Variants in GPCPD1 observed in about 807,000 individuals in gnomAD.
GPCPD1 encodes glycerophosphocholine phosphodiesterase GPCPD1.
Under a neutral mutation model 89.2 loss-of-function variants are expected in GPCPD1, and 29 were observed. That is an observed-to-expected ratio of 0.33 (90% CI 0.24 to 0.44). GPCPD1 has a LOEUF of 0.44. Ranked by LOEUF, GPCPD1 falls within the 20% of genes least tolerant of loss-of-function variation. The pLI is 1.00. For synonymous variants in GPCPD1, 258 were observed against 266.3 expected (o/e 0.97, Z 0.30); for missense variants, 594 against 808.9 (o/e 0.73, Z 3.22).
At chr20:5,590,533 A>T (rs765695115) in intron 4 of GPCPD1, among the ~76,000 whole-genome samples, 1 of 151,392 alleles carries the variant, frequency 6.6e-6, no homozygotes. Flanking sequence ...ACAGAACAAG[A>T]CTCTGTCTCA....
chr20:5,593,716 C>G (rs1018184227), intron 3 of GPCPD1, among the ~76,000 whole-genome samples: 1 of 152,118 alleles, frequency 6.6e-6, no homozygotes, highest in Non-Finnish European at 1.5e-5. Flanking sequence ...AATGAGGAAG[C>G]GCTGTCTGAG....
At chr20:5,561,611 C>T (rs1467387549) in intron 15 of GPCPD1, 81 bp from the exon 16 acceptor site, 7 of 642,426 alleles carry the variant, frequency 1.1e-5, no homozygotes, top group Non-Finnish European at 1.6e-5. Flanking sequence ...ACAATTATTA[C>T]TAAAAATAAT....
chr20:5,574,314 A>G (rs1978285024), intron 10 of GPCPD1, among the ~76,000 whole-genome samples: 2 of 152,232 alleles, frequency 1.3e-5, no homozygotes, highest in South Asian at 4.1e-4. Context: ...GCTCCTTGCA[A>G]TACAGCCTCC....
At chr20:5,592,287 T>A (rs1195905197) in intron 4 of GPCPD1, among the ~76,000 whole-genome samples, 1 of 152,220 alleles carries the variant, frequency 6.6e-6, no homozygotes, top group Non-Finnish European at 1.5e-5. Context: ...CCATGATGCA[T>A]AACCCCATGC....
Position 5,575,378 on chromosome 20 carries a change from A to C in GPCPD1, c.1001+35T>G, listed in dbSNP as rs762953631. The C allele has an allele frequency of 2.0e-6, 3 of 1,521,930 alleles. No homozygotes were observed. The East Asian group carries it at 6.8e-5, about 35-fold the overall frequency. 94.3% of individuals were successfully genotyped at this position (1,521,930 alleles called of 1,614,324 possible). ...TGTAACTCTACCGAACATAAGCTAC[A>C]CCAAATGCTAATCCTACTCAAATAT... On this transcript the variant is annotated intron_variant, in intron 10 of 19. Transcript: ENST00000379019.
chr20:5,597,130 T>C (rs1357477905), intron 3 of GPCPD1, among the ~76,000 whole-genome samples: 3 of 152,172 alleles, frequency 2.0e-5, no homozygotes, highest in Non-Finnish European at 4.4e-5. Context: ...AAAGAATATA[T>C]ACTATTAAAG....
chr20:5,593,291 G>A, intron 4 of GPCPD1, 36 bp downstream of exon 4: 2 of 1,036,484 alleles, frequency 1.9e-6, no homozygotes, highest in Non-Finnish European at 3.0e-6. Context: ...TGAAGGAAGT[G>A]CTAAAGGAAT....
chr20:5,569,937 A>G (rs1181471812), intron 12 of GPCPD1, among the ~76,000 whole-genome samples: 5 of 152,152 alleles, frequency 3.3e-5, no homozygotes, highest in Non-Finnish European at 7.4e-5. Flanking sequence ...TATTTTCAGC[A>G]ATAGAGACCC....
At chr20:5,567,437 G>A in intron 13 of GPCPD1, 46 bp downstream of exon 13, 9 of 1,538,330 alleles carry the variant, frequency 5.9e-6, no homozygotes, top group Non-Finnish European at 7.8e-6. Flanking sequence ...AAGTACAATA[G>A]TCCTAAAGCT....
intron 1 of GPCPD1, among the ~76,000 whole-genome samples, chr20:5,609,549 G>T (rs1417868177): frequency 6.6e-6 from 1 of 151,992 alleles, no homozygotes; most frequent in Non-Finnish European, 1.5e-5. Context: ...TTATTCTCTT[G>T]TGTATGTTTC....
At chr20:5,581,440 G>A (rs1978476128) in intron 6 of GPCPD1, among the ~76,000 whole-genome samples, 1 of 152,146 alleles carries the variant, frequency 6.6e-6, no homozygotes, top group Non-Finnish European at 1.5e-5. Flanking sequence ...CCTAGCAATT[G>A]TTCTACTAGG....
chr20:5,549,205 T>A, intron 19 of GPCPD1: 1 of 688,274 alleles, frequency 1.5e-6, no homozygotes, highest in South Asian at 1.4e-5. Flanking sequence ...TGAAGGGACC[T>A]CAATCACTTT....
At chr20:5,574,020 A>G (rs1600745352) in intron 10 of GPCPD1, 51 bp from the exon 11 acceptor site, 1 of 958,744 alleles carries the variant, frequency 1.0e-6, no homozygotes, top group East Asian at 2.4e-5. Context: ...ATAAAGAAAC[A>G]AATGTAATAA....
chr20:5,582,285 CA>C (rs1411399227), intron 6 of GPCPD1, among the ~76,000 whole-genome samples: 3 of 147,458 alleles, frequency 2.0e-5, no homozygotes, highest in Admixed American at 1.4e-4. Context: ...CTAAAGACTC[CA>C]AAACACTTAA....
In GPCPD1 at chr20:5,607,069, C is replaced by A. The variant is rs113548950; in HGVS notation, c.-28-2629G>T. Among the ~76,000 whole-genome samples the A allele has an allele frequency of 2.8e-4, 42 of 151,558 alleles. 1 individual carries two copies. The highest frequency in any genetic ancestry group is 9.2e-4 in the African/African-American group (38 of 41,324). ...TAGGAAGCCGAGGCGGGTGGATCAC[C>A]TGAGGTCAGGAGTTCAAGACCAGTC... On this transcript the variant is annotated intron_variant, in intron 1 of 19. Coordinates refer to ENST00000379019, the MANE Select transcript of GPCPD1 (RefSeq NM_019593.5).
chr20:5,572,610 G>A (rs541192517), intron 11 of GPCPD1, among the ~76,000 whole-genome samples: 2 of 152,226 alleles, frequency 1.3e-5, no homozygotes, highest in East Asian at 1.9e-4. Context: ...GAGGGCATAT[G>A]GAGTACACTG....
intron 4 of GPCPD1, among the ~76,000 whole-genome samples, chr20:5,589,565 C>T (rs924415111): frequency 2.6e-5 from 4 of 152,112 alleles, no homozygotes; most frequent in African/African-American, 9.7e-5. Context: ...TGAGCCATTA[C>T]ACTCCAGCCT....
intron 19 of GPCPD1, among the ~76,000 whole-genome samples, chr20:5,557,234 T>C (rs1175869256): frequency 2.6e-5 from 4 of 152,098 alleles, no homozygotes; most frequent in Non-Finnish European, 5.9e-5. Context: ...TGATCAGACA[T>C]AGGTCTTAAA....
chr20:5,560,103 G>C (rs1986005088), intron 16 of GPCPD1, 27 bp from the exon 17 acceptor site: 1 of 1,488,930 alleles, frequency 6.7e-7, no homozygotes, highest in African/African-American at 1.4e-5. Context: ...CAAAATAAAA[G>C]TCACTGCACA....
Sources: allele counts gnomAD v4.1 joint callset (sites outside exome capture counted in the v4.1 genomes callset), GRCh38; gene constraint gnomAD v4.1.1; transcripts MANE v1.5; gene names NCBI Gene and HGNC (gene_info 2026-07-23, HGNC 2026-07-21).